PHIP: variants seen among roughly 807,000 people sequenced by gnomAD.
PHIP encodes PHIP subunit of CUL4-Ring ligase complex, also known as PH-interacting protein.
A neutral mutation model predicts 236.8 loss-of-function variants in PHIP; 54 were observed. The ratio of observed to expected loss-of-function variants is 0.23; its 90% CI spans 0.18 to 0.29. The LOEUF is 0.29. Among genes scored for constraint, PHIP ranks in the 10% least tolerant of loss-of-function variants. PHIP has a pLI of 1.00. For synonymous variants in PHIP, 756 were observed against 718.9 expected, an observed-to-expected ratio of 1.05 and a Z score of -0.83; for missense variants, 1,370 against 2,190.8, an observed-to-expected ratio of 0.63 and a Z score of 7.48.
At chr6:79,072,482 T>C (rs1384512125) in intron 4 of PHIP, among the ~76,000 whole-genome samples, 1 of 37,350 alleles carries the variant, frequency 2.7e-5, no homozygotes, top group African/African-American at 7.0e-5. Flanking sequence ...CTTCCGAAGA[T>C]TTTTTTTTTC....
chr6:79,016,591 T>C lies in PHIP; in HGVS notation c.1188A>G (p.Arg396=). The change falls in exon 13 of 40, where the codon CGA becomes CGG. Residue 396 remains arginine (R), a synonymous_variant. Coordinates refer to ENST00000275034, the MANE Select transcript of PHIP (RefSeq NM_017934.7). ...CCAACAAAATGCTCTTCCACTCTCT[T>C]CGTTTAAATTGCCAAATACGTGCTG... is the stretch of plus-strand genomic sequence containing the variant. ...DGTARIWQFK[R]REWKSILLDM... is the part of the protein sequence containing the mutation. The C allele has an allele frequency of 6.2e-7, 1 of 1,612,270 alleles. No homozygotes were observed. The highest frequency in any genetic ancestry group is 8.5e-7 in the Non-Finnish European group (1 of 1,178,620).
chr6:78,986,598 C>G (rs749262981), intron 21 of PHIP, among the ~76,000 whole-genome samples: 2 of 152,150 alleles, frequency 1.3e-5, no homozygotes, highest in African/African-American at 2.4e-5. Flanking sequence ...TCACTTTAGT[C>G]CAAACCCTGG....
rs958738533 is a variant in PHIP, at chr6:78,988,394, C to A, written c.2320-45G>T. 1.1e-5 allele frequency: 16 copies of A among 1,420,256 alleles called. No homozygotes were observed. In the African/African-American group the frequency reaches 1.6e-4, roughly 14 times the overall value. The allele number at this position is 1,420,256 out of a possible 1,614,324, so 88.0% of individuals were successfully genotyped here. A position where few individuals can be genotyped will look rare whatever the true frequency, so the allele number is the denominator to read the frequency against. On this transcript the variant is annotated intron_variant, in intron 20 of 39. Transcript: ENST00000275034. Reference sequence around the variant, plus strand: ...ATTTATTCACAGATTGTTTAAAGAGCAGGATTTTTAGTTTAAAAGTTAAAA... The same window carrying A: ...ATTTATTCACAGATTGTTTAAAGAGAAGGATTTTTAGTTTAAAAGTTAAAA...
intron 4 of PHIP, among the ~76,000 whole-genome samples, chr6:79,062,288 A>T (rs1773418038): frequency 6.6e-6 from 1 of 152,192 alleles, no homozygotes; most frequent in African/African-American, 2.4e-5. Context: ...TATCATATTC[A>T]CTCAGAACAT....
chr6:78,972,552 A>C (rs1269131958), intron 24 of PHIP, among the ~76,000 whole-genome samples: 2 of 152,180 alleles, frequency 1.3e-5, no homozygotes, highest in Non-Finnish European at 2.9e-5. Flanking sequence ...AGCTGAGAGA[A>C]GAAGGCTTCA....
At chr6:78,976,201 A>C (rs1449580018) in intron 24 of PHIP, among the ~76,000 whole-genome samples, 3 of 149,538 alleles carry the variant, frequency 2.0e-5, no homozygotes, top group East Asian at 2.0e-4. Context: ...AACAGAACAG[A>C]GCCCTCAGAA....
intron 6 of PHIP, among the ~76,000 whole-genome samples, chr6:79,045,925 C>CT (rs1772461896): frequency 1.3e-5 from 2 of 152,042 alleles, no homozygotes; most frequent in African/African-American, 4.8e-5. Flanking sequence ...TTGGCAAATT[C>CT]TTTTTTATCC....
chr6:78,978,567 G>A (rs753142329), intron 24 of PHIP, 25 bp downstream of exon 24: 21 of 1,545,056 alleles, frequency 1.4e-5, no homozygotes, highest in Non-Finnish European at 1.6e-5. Context: ...GAGGAAAAAT[G>A]GATAATTTAA....
At chr6:78,963,575 C>T (rs1766934256) in intron 29 of PHIP, among the ~76,000 whole-genome samples, 1 of 152,004 alleles carries the variant, frequency 6.6e-6, no homozygotes, top group South Asian at 2.1e-4. Context: ...TTCATAATTG[C>T]CATGTTTACT....
At chr6:78,975,572 G>A (rs1190002612) in intron 24 of PHIP, among the ~76,000 whole-genome samples, 1 of 152,168 alleles carries the variant, frequency 6.6e-6, no homozygotes, top group Non-Finnish European at 1.5e-5. Context: ...TAGGAAAAGA[G>A]GAAGTCAAAT....
chr6:78,966,231 A>T lies in PHIP; in HGVS notation c.3206-175T>A, dbSNP rs567984831. On this transcript the variant is annotated intron_variant, in intron 27 of 39. Transcript: ENST00000275034. ...ATCAGCAATACCAAGAGAAAAAAGGAATTTAGTAAGCATACTTGAAGTGTG... is the reference window on the plus strand; with the variant it reads ...ATCAGCAATACCAAGAGAAAAAAGGTATTTAGTAAGCATACTTGAAGTGTG... Among the ~76,000 whole-genome samples the T allele has an allele frequency of 6.4e-4, 97 of 152,350 alleles. 1 individual carries two copies. The South Asian group carries it at 8.1e-3, about 13-fold the overall frequency.
At chr6:79,057,592 C>T (rs563422819) in intron 6 of PHIP, among the ~76,000 whole-genome samples, 7 of 152,132 alleles carry the variant, frequency 4.6e-5, no homozygotes, top group East Asian at 3.9e-4. Flanking sequence ...TTTAAATCTA[C>T]GTACGTATCT....
chr6:78,992,179 G>GT (rs1769304307), intron 19 of PHIP, among the ~76,000 whole-genome samples: 1 of 151,862 alleles, frequency 6.6e-6, no homozygotes, highest in African/African-American at 2.4e-5. Flanking sequence ...AGCCAGGATG[G>GT]TCTCGATCTC....
intron 15 of PHIP, among the ~76,000 whole-genome samples, chr6:79,010,101 G>A (rs1434211532): frequency 6.6e-6 from 1 of 151,682 alleles, no homozygotes; most frequent in African/African-American, 2.4e-5. Flanking sequence ...GAGGGAGAAA[G>A]GGAGGGTTGG....
chr6:78,951,141 G>A (rs1429295035), intron 35 of PHIP, among the ~76,000 whole-genome samples: 3 of 152,090 alleles, frequency 2.0e-5, no homozygotes, highest in African/African-American at 7.2e-5. Flanking sequence ...AGTCCTTGGA[G>A]ATTTTACATT....
intron 39 of PHIP, among the ~76,000 whole-genome samples, chr6:78,944,198 G>C (rs1773676439): frequency 6.6e-6 from 1 of 152,034 alleles, no homozygotes; most frequent in Admixed American, 6.6e-5. Flanking sequence ...ATACAAAAGA[G>C]AGAAAGAAGG....
At chr6:78,976,688 AAAC>A (rs1240897691) in intron 24 of PHIP, among the ~76,000 whole-genome samples, 1 of 148,580 alleles carries the variant, frequency 6.7e-6, no homozygotes, top group Non-Finnish European at 1.5e-5. Context: ...AGAAAAAAAC[AAAC>A]AACCACATCA....
intron 19 of PHIP, among the ~76,000 whole-genome samples, chr6:78,996,200 C>T (rs547748456): frequency 3.7e-4 from 57 of 152,158 alleles, no homozygotes; most frequent in Non-Finnish European, 7.5e-4. Flanking sequence ...CAGCCTTATG[C>T]CATTGTGTGC....
intron 4 of PHIP, among the ~76,000 whole-genome samples, chr6:79,068,808 T>C (rs774456126): frequency 1.3e-5 from 2 of 152,216 alleles, no homozygotes; most frequent in Non-Finnish European, 2.9e-5. Context: ...GTTAGATCAA[T>C]ATATTCATTC....
Sources: allele counts gnomAD v4.1 joint callset (sites outside exome capture counted in the v4.1 genomes callset), GRCh38; gene constraint gnomAD v4.1.1; transcripts MANE v1.5; gene names NCBI Gene and HGNC (gene_info 2026-07-23, HGNC 2026-07-21).